Variants in TUSC3 observed in about 807,000 individuals in gnomAD.
TUSC3 encodes the protein dolichyl-diphosphooligosaccharide--protein glycosyltransferase subunit TUSC3.
A neutral mutation model predicts 44.8 loss-of-function variants in TUSC3; 45 were observed. The observed-to-expected ratio is 1.00, with a 90% confidence interval of 0.79 to 1.29. The LOEUF is 1.29. TUSC3 is among the 50% of genes most tolerant of loss of function. TUSC3 has a pLI of 0.00. For missense variants in TUSC3, 519 were observed against 437.9 expected, an observed-to-expected ratio of 1.19 and a Z score of -1.65; for synonymous variants, 212 against 152.9, an observed-to-expected ratio of 1.39 and a Z score of -2.85.
At chr8:15,602,543 G>T (rs1340151094) in intron 1 of TUSC3, among the ~76,000 whole-genome samples, 1 of 151,468 alleles carries the variant, frequency 6.6e-6, no homozygotes, top group African/African-American at 2.4e-5. Flanking sequence ...TAAGTAACAT[G>T]GGGTTTGCAG....
chr8:15,472,675 G>A (rs1258689533), intron 1 of TUSC3, among the ~76,000 whole-genome samples: 1 of 152,074 alleles, frequency 6.6e-6, no homozygotes. Context: ...AACATAGTTT[G>A]CCCAAGACTC....
chr8:15,667,630 A>G (rs1273124264), intron 5 of TUSC3, among the ~76,000 whole-genome samples: 1 of 151,772 alleles, frequency 6.6e-6, no homozygotes, highest in Admixed American at 6.6e-5. Context: ...TTATTTTCAT[A>G]TTCAGCTGAT....
rs1802748939 is a variant in TUSC3, at chr8:15,568,280, A to T, written c.138+27712A>T. On this transcript the variant is annotated intron_variant, in intron 1 of 10. Transcript: ENST00000503731. ...TCATTTATTCCATAAAGATTTAAGCACTAGCTCTGTGCCAGTCCTTGTTCT... is the reference window on the plus strand; with the variant it reads ...TCATTTATTCCATAAAGATTTAAGCTCTAGCTCTGTGCCAGTCCTTGTTCT... 2.0e-5 allele frequency among the ~76,000 whole-genome samples: 3 copies of T among 152,316 alleles called. No homozygotes were observed. The East Asian group carries it at 5.8e-4, about 29-fold the overall frequency.
intron 4 of TUSC3, among the ~76,000 whole-genome samples, chr8:15,660,934 T>A: frequency 1.3e-5 from 2 of 149,678 alleles, no homozygotes. Flanking sequence ...CATAAAACTA[T>A]ATGTGGAAAC....
intron 1 of TUSC3, among the ~76,000 whole-genome samples, chr8:15,430,838 GACAA>G (rs758222864): frequency 6.6e-6 from 1 of 151,688 alleles, no homozygotes; most frequent in Admixed American, 6.6e-5. Flanking sequence ...ACCAATAACA[GACAA>G]ACAGAGAGCC....
intron 9 of TUSC3, among the ~76,000 whole-genome samples, chr8:15,750,737 G>T (rs568140779): frequency 6.6e-6 from 1 of 152,180 alleles, no homozygotes; most frequent in South Asian, 2.1e-4. Flanking sequence ...GTGTGAATGT[G>T]GCATTTGAAC....
At chr8:15,428,519 G>C (rs1291585272) in intron 1 of TUSC3, among the ~76,000 whole-genome samples, 1 of 152,086 alleles carries the variant, frequency 6.6e-6, no homozygotes, top group Non-Finnish European at 1.5e-5. Flanking sequence ...GGTATTTCTA[G>C]TTCTAGATCC....
At chr8:15,785,842 T>C in the TUSC3 span, among the ~76,000 whole-genome samples, 11 of 152,222 alleles carry the variant, frequency 7.2e-5, no homozygotes, top group South Asian at 2.1e-3. Flanking sequence ...TCAGTCCTGA[T>C]CATCTAACTT....
chr8:15,830,668 A>G, the TUSC3 span, among the ~76,000 whole-genome samples: 1 of 152,320 alleles, frequency 6.6e-6, no homozygotes, highest in East Asian at 1.9e-4. Flanking sequence ...ACAGAAAATT[A>G]AATACTGCAT....
chr8:15,714,559 A>G (rs1165670327), intron 6 of TUSC3, among the ~76,000 whole-genome samples: 5 of 152,162 alleles, frequency 3.3e-5, no homozygotes, highest in Non-Finnish European at 2.9e-5. Context: ...AAATACTTGT[A>G]CTAATGAAGA....
chr8:15,470,258 C>CAA lies in TUSC3; in HGVS notation n.92-13112_92-13111dup, dbSNP rs75794739. ...TGGGCAACAGAGAAAGACCCTGTCT[C>CAA]AAAAAAAAAAAAAAAAAGCATTGGT... On this transcript the variant is annotated intron_variant and non_coding_transcript_variant, in intron 1 of 5. Transcript: ENST00000503191. Among the ~76,000 whole-genome samples the CAA allele has an allele frequency of 2.3e-3, 232 of 101,710 alleles. 1 individual carries two copies. Among genetic ancestry groups the CAA allele is most frequent in the South Asian group, 0.012 (37 of 2,976 alleles). 66.7% of individuals were successfully genotyped at this position (101,710 alleles called of 152,430 possible). A position where few individuals can be genotyped will look rare whatever the true frequency, so the allele number is the denominator to read the frequency against.
chr8:15,511,451 A>C (rs756996847), intron 2 of TUSC3, among the ~76,000 whole-genome samples: 1 of 152,232 alleles, frequency 6.6e-6, no homozygotes, highest in African/African-American at 2.4e-5. Flanking sequence ...CTCAAAGTCA[A>C]TATACAAAAA....
chr8:15,482,828 C>A (rs1314531937), intron 1 of TUSC3, among the ~76,000 whole-genome samples: 2 of 152,174 alleles, frequency 1.3e-5, no homozygotes, highest in African/African-American at 2.4e-5. Context: ...ATATTAATTG[C>A]AAGGTCTTTG....
At chr8:15,538,132 C>G (rs1801550931), upstream of TUSC3, among the ~76,000 whole-genome samples, 1 of 152,208 alleles carries the variant, frequency 6.6e-6, no homozygotes, top group Non-Finnish European at 1.5e-5. Flanking sequence ...CTAGGGACCT[C>G]CCATCAGACC....
intron 1 of TUSC3, among the ~76,000 whole-genome samples, chr8:15,552,035 A>G (rs1032627651): frequency 2.0e-5 from 3 of 151,744 alleles, no homozygotes; most frequent in African/African-American, 7.2e-5. Context: ...TGTCTATGCC[A>G]TTTTAATTAT....
intron 1 of TUSC3, among the ~76,000 whole-genome samples, chr8:15,470,043 C>A (rs866893893): frequency 6.6e-6 from 1 of 151,884 alleles, no homozygotes; most frequent in Non-Finnish European, 1.5e-5. Context: ...ATCGCTTGAG[C>A]CCAGCAGTTC....
chr8:15,713,243 G>C (rs1809928434), intron 6 of TUSC3, among the ~76,000 whole-genome samples: 1 of 151,918 alleles, frequency 6.6e-6, no homozygotes, highest in South Asian at 2.1e-4. Context: ...AGTTTTATGT[G>C]GTTTCTTCTC....
the TUSC3 span, among the ~76,000 whole-genome samples, chr8:15,789,078 C>T: frequency 0.09 from 13,634 of 152,232 alleles, 810 homozygotes; most frequent in African/African-American, 0.16. Flanking sequence ...GAATCCGTGT[C>T]GTCATTCAAG....
the TUSC3 span, among the ~76,000 whole-genome samples, chr8:15,840,671 C>T: frequency 6.6e-6 from 1 of 152,038 alleles, no homozygotes. Context: ...AGGTCCTGCT[C>T]AGAAAGTCTC....
Sources: gnomAD v4.1 joint callset for allele counts (sites outside exome capture counted in the v4.1 genomes callset) on GRCh38, gnomAD v4.1.1 for gene constraint, MANE v1.5 for transcripts, NCBI Gene and HGNC (gene_info 2026-07-23, HGNC 2026-07-21) for gene names.